VWC2: variants seen among roughly 807,000 people sequenced by gnomAD.
VWC2 encodes von Willebrand factor C domain containing 2, also known as brorin.
VWC2 carries 14 observed loss-of-function variants against 29.8 expected under a neutral mutation model. The ratio of observed to expected loss-of-function variants is 0.47; its 90% CI spans 0.31 to 0.74. The LOEUF is 0.74. VWC2 is among the 30% of genes least tolerant of loss of function. The probability of loss-of-function intolerance (pLI) is 0.05; values close to 1 mark genes in which losing one functional copy is unlikely to be tolerated. For missense variants in VWC2, 457 were observed against 459.8 expected, an observed-to-expected ratio of 0.99 and a Z score of 0.05; for synonymous variants, 213 against 199.0, an observed-to-expected ratio of 1.07 and a Z score of -0.59.
chr7:49,817,399 G>A (rs1789173032), intron 3 of VWC2, among the ~76,000 whole-genome samples: 1 of 152,154 alleles, frequency 6.6e-6, no homozygotes, highest in African/African-American at 2.4e-5. Context: ...CACTTACATG[G>A]AACACATTCT....
chr7:49,911,925 A>ACACACACACG, intron 3 of VWC2, 109 bp from the exon 4 acceptor site: 2 of 590,154 alleles, frequency 3.4e-6, no homozygotes, highest in East Asian at 3.9e-5. Context: ...AAATACACGC[A>ACACACACACG]CACACACACA....
At chr7:49,906,065 A>C (rs989940955) in intron 3 of VWC2, among the ~76,000 whole-genome samples, 2 of 152,120 alleles carry the variant, frequency 1.3e-5, no homozygotes, top group Non-Finnish European at 2.9e-5. Flanking sequence ...TCAAGAAATA[A>C]CCATAAAAAT....
chr7:49,801,794 G>T (rs752560464), intron 2 of VWC2, among the ~76,000 whole-genome samples: 1 of 152,260 alleles, frequency 6.6e-6, no homozygotes. Flanking sequence ...CTGAGTCTCA[G>T]TTTCCTGTTA....
At chr7:49,900,926 A>T (rs1170073555) in intron 3 of VWC2, among the ~76,000 whole-genome samples, 1 of 151,908 alleles carries the variant, frequency 6.6e-6, no homozygotes, top group Non-Finnish European at 1.5e-5. Context: ...ACTACATGGG[A>T]TTTATCCCAG....
intron 2 of VWC2, among the ~76,000 whole-genome samples, chr7:49,789,897 G>A (rs181546908): frequency 8.4e-4 from 128 of 152,338 alleles, no homozygotes; most frequent in African/African-American, 2.9e-3. Flanking sequence ...TCCCTGCACT[G>A]GCCCTGGTGC....
chr7:49,780,483 G>A (rs912330432), intron 2 of VWC2, among the ~76,000 whole-genome samples: 22 of 152,148 alleles, frequency 1.4e-4, no homozygotes, highest in African/African-American at 5.3e-4. Flanking sequence ...GGGAATCTTG[G>A]TCTCCTGGAG....
chr7:49,838,134 G>A (rs1266940627), intron 3 of VWC2, among the ~76,000 whole-genome samples: 1 of 152,186 alleles, frequency 6.6e-6, no homozygotes, highest in Non-Finnish European at 1.5e-5. Context: ...AGATCCTGAA[G>A]GCTGTCTTCC....
At chr7:49,837,777 G>A (rs2128712688) in intron 3 of VWC2, among the ~76,000 whole-genome samples, 1 of 152,188 alleles carries the variant, frequency 6.6e-6, no homozygotes, top group South Asian at 2.1e-4. Flanking sequence ...CCGAGGGGGT[G>A]GAAATCTAAT....
intron 3 of VWC2, among the ~76,000 whole-genome samples, chr7:49,894,457 A>G (rs2076383952): frequency 6.6e-6 from 1 of 152,228 alleles, no homozygotes. Context: ...CAGTCTTCCT[A>G]TGGCTTACCA....
intron 3 of VWC2, among the ~76,000 whole-genome samples, chr7:49,902,134 A>G (rs938355934): frequency 6.6e-6 from 1 of 152,024 alleles, no homozygotes; most frequent in Non-Finnish European, 1.5e-5. Context: ...TTGGTGATGA[A>G]TTTTTAGATA....
chr7:49,909,350 A>G (rs538972819), intron 3 of VWC2, among the ~76,000 whole-genome samples: 683 of 65,270 alleles, frequency 0.01, 3 homozygotes, highest in African/African-American at 0.041. Flanking sequence ...TGCCAAAGAC[A>G]GCTCGAGCCA....
At chr7:49,783,161 G>A (rs898944945) in intron 2 of VWC2, among the ~76,000 whole-genome samples, 1 of 152,062 alleles carries the variant, frequency 6.6e-6, no homozygotes, top group Non-Finnish European at 1.5e-5. Flanking sequence ...AAGTCCCAAC[G>A]GAAACATTAT....
Position 49,773,746 on chromosome 7 carries a change from C to T in VWC2, c.-471C>T, listed in dbSNP as rs1442936343. The T allele has an allele frequency of 6.6e-6, 1 of 151,988 alleles. No individual in the cohort carries two copies. Among genetic ancestry groups the T allele is most frequent in the Non-Finnish European group, 1.5e-5 (1 of 68,062 alleles). The allele number at this position is 151,988 out of a possible 1,614,324, so 9.4% of individuals were successfully genotyped here. ...TGCCCAGACATTCCGGCTGCCGGGTCTGGAGAGCTCCCCGAACCCCTCCGC... is the reference window on the plus strand; with the variant it reads ...TGCCCAGACATTCCGGCTGCCGGGTTTGGAGAGCTCCCCGAACCCCTCCGC... On this transcript the variant is annotated 5_prime_UTR_variant, in exon 1 of 4. Coordinates refer to ENST00000340652, the MANE Select transcript of VWC2 (RefSeq NM_198570.5).
intron 3 of VWC2, among the ~76,000 whole-genome samples, chr7:49,861,647 G>A (rs1790656699): frequency 6.6e-6 from 1 of 152,116 alleles, no homozygotes; most frequent in African/African-American, 2.4e-5. Flanking sequence ...TAGGCCACAG[G>A]CCAATTTTGA....
intron 3 of VWC2, among the ~76,000 whole-genome samples, chr7:49,859,314 G>GT (rs1335490617): frequency 5.9e-5 from 9 of 152,020 alleles, no homozygotes; most frequent in Admixed American, 1.3e-4. Flanking sequence ...TATCTTTTAT[G>GT]TTTTTTTATT....
At chr7:49,866,955 C>G (rs1345799686) in intron 3 of VWC2, among the ~76,000 whole-genome samples, 1 of 152,184 alleles carries the variant, frequency 6.6e-6, no homozygotes, top group Non-Finnish European at 1.5e-5. Context: ...CAGAAGCCCA[C>G]CTGTGTCCTC....
At chr7:49,872,452 G>C (rs1791197041) in intron 3 of VWC2, among the ~76,000 whole-genome samples, 1 of 151,960 alleles carries the variant, frequency 6.6e-6, no homozygotes, top group Admixed American at 6.6e-5. Context: ...ATCCTAGGTG[G>C]TTTAAAACTC....
At chr7:49,797,231 C>T (rs1788613126) in intron 2 of VWC2, among the ~76,000 whole-genome samples, 1 of 152,110 alleles carries the variant, frequency 6.6e-6, no homozygotes, top group Admixed American at 6.5e-5. Context: ...AAGTTCTATG[C>T]TGATGTTCCT....
chr7:49,878,682 T>C (rs1182330539), intron 3 of VWC2, among the ~76,000 whole-genome samples: 2 of 152,194 alleles, frequency 1.3e-5, no homozygotes, highest in Non-Finnish European at 2.9e-5. Context: ...TGTGGTTCAA[T>C]GTCTTTGATA....
Sources: gnomAD v4.1 joint callset for allele counts (sites outside exome capture counted in the v4.1 genomes callset) on GRCh38, gnomAD v4.1.1 for gene constraint, MANE v1.5 for transcripts, NCBI Gene and HGNC (gene_info 2026-07-23, HGNC 2026-07-21) for gene names.